AGO2: variants seen among roughly 807,000 people sequenced by gnomAD.
The protein encoded by AGO2 is protein argonaute-2.
In AGO2, 5 loss-of-function variants were observed where a neutral mutation model predicts 102.3. The observed-to-expected ratio is 0.05, with a 90% CI of 0.03 to 0.10. AGO2 has a LOEUF of 0.10. AGO2 is among the 10% of genes least tolerant of loss of function. The pLI is 1.00. For synonymous variants in AGO2, 449 were observed against 473.1 expected, an observed-to-expected ratio of 0.95 and a Z score of 0.66; for missense variants, 541 against 1,183.7, an observed-to-expected ratio of 0.46 and a Z score of 7.97.
chr8:140,558,681 G>A (rs1278569015), intron 6 of AGO2, 109 bp from the exon 7 acceptor site: 1 of 1,236,072 alleles, frequency 8.1e-7, no homozygotes, highest in South Asian at 1.3e-5. Context: ...CCCAAGTTAT[G>A]GGGGGCTGCA....
chr8:140,597,466 GCCCCCCCA>G lies in AGO2; in HGVS notation c.23-12163_23-12156del, dbSNP rs1336353385. On this transcript the variant is annotated intron_variant, in intron 1 of 18. Coordinates refer to ENST00000220592, the MANE Select transcript of AGO2 (RefSeq NM_012154.5). The stretch of plus-strand genomic sequence containing the variant: ...CACGGACACCGATGGGGGCTGGGTG[GCCCCCCCA>G]CCCCCCCCCCCCCGCCCCAGGCCTC... 2.5e-4 allele frequency among the ~76,000 whole-genome samples: 12 copies of G among 48,430 alleles called. 1 individual carries two copies. The highest frequency in any genetic ancestry group is 7.5e-4 in the South Asian group (1 of 1,328). 31.8% of individuals were successfully genotyped at this position (48,430 alleles called of 152,430 possible).
rs1004802805 is a variant in AGO2 at position 140,522,418 on chromosome 8, C to T, written c.*9626G>A. 4.6e-5 allele frequency: 7 copies of T among 151,612 alleles called. No homozygotes were observed. Among genetic ancestry groups the T allele is most frequent in the Non-Finnish European group, 8.8e-5 (6 of 67,972 alleles). 9.4% of individuals were successfully genotyped at this position (151,612 alleles called of 1,614,324 possible). A position where few individuals can be genotyped will look rare whatever the true frequency, so the allele number is the denominator to read the frequency against. ...AATCCATTTAAATCATATGCAGAAG[C>T]GATGACAGGTGGTACTACCTGAAGA... On this transcript the variant is annotated 3_prime_UTR_variant, in exon 19 of 19. Coordinates refer to ENST00000220592, the MANE Select transcript of AGO2 (RefSeq NM_012154.5).
chr8:140,562,098 A>G (rs2073211418), intron 4 of AGO2, among the ~76,000 whole-genome samples: 1 of 152,256 alleles, frequency 6.6e-6, no homozygotes, highest in Non-Finnish European at 1.5e-5. Flanking sequence ...GCAGACATGC[A>G]TGCAGCACGA....
At chr8:140,543,869 C>T (rs946438739) in intron 14 of AGO2, among the ~76,000 whole-genome samples, 1 of 152,186 alleles carries the variant, frequency 6.6e-6, no homozygotes, top group Admixed American at 6.5e-5. Context: ...TGTCCAAGGC[C>T]GGAGTTCTCA....
intron 13 of AGO2, among the ~76,000 whole-genome samples, chr8:140,545,369 T>C (rs2072881556): frequency 6.6e-6 from 1 of 152,110 alleles, no homozygotes; most frequent in South Asian, 2.1e-4. Flanking sequence ...CAGGACACAC[T>C]TCCCTTGGTG....
intron 14 of AGO2, among the ~76,000 whole-genome samples, chr8:140,541,803 T>A (rs1282583652): frequency 6.6e-6 from 1 of 151,962 alleles, no homozygotes; most frequent in Non-Finnish European, 1.5e-5. Context: ...CTCGGGAGGC[T>A]GAGGCAGGAA....
chr8:140,532,208 G>T, intron 18 of AGO2, 56 bp from the exon 19 acceptor site: 1 of 1,518,236 alleles, frequency 6.6e-7, no homozygotes, highest in Non-Finnish European at 9.1e-7. Context: ...GCACGATGAG[G>T]CAGTGCGTCG....
At chr8:140,555,694 T>A (rs1205449398) in intron 10 of AGO2, 1 of 707,316 alleles carries the variant, frequency 1.4e-6, no homozygotes, top group Non-Finnish European at 2.2e-6. Flanking sequence ...ACATTAAGGA[T>A]AATTCTGAAA....
intron 10 of AGO2, 80 bp from the exon 11 acceptor site, chr8:140,551,516 T>C: frequency 7.3e-7 from 1 of 1,366,194 alleles, no homozygotes; most frequent in Non-Finnish European, 9.6e-7. Context: ...ACTCTCACTG[T>C]TGGTCCCCCT....
upstream of AGO2, among the ~76,000 whole-genome samples, chr8:140,639,646 A>G (rs534355772): frequency 1.3e-5 from 2 of 151,936 alleles, no homozygotes; most frequent in African/African-American, 4.8e-5. Context: ...GGTGGCACAC[A>G]TCTGTAGTCC....
intron 1 of AGO2, among the ~76,000 whole-genome samples, chr8:140,596,374 G>A (rs181874942): frequency 2.8e-4 from 42 of 152,246 alleles, no homozygotes; most frequent in Middle Eastern, 3.4e-3. Context: ...ATCTGAGGTC[G>A]GGAGTTCGAG....
At chr8:140,632,783 G>A (rs950681482) in intron 1 of AGO2, among the ~76,000 whole-genome samples, 1 of 152,134 alleles carries the variant, frequency 6.6e-6, no homozygotes, top group Non-Finnish European at 1.5e-5. Context: ...ATTCACATAC[G>A]TCACAGCATT....
intron 1 of AGO2, among the ~76,000 whole-genome samples, chr8:140,614,491 A>G (rs936600156): frequency 3.3e-5 from 5 of 152,228 alleles, no homozygotes; most frequent in African/African-American, 9.6e-5. Flanking sequence ...AGTTTGCTCT[A>G]TTTCAGAGAG....
chr8:140,630,953 C>T (rs1378705243), intron 1 of AGO2, among the ~76,000 whole-genome samples: 5 of 152,148 alleles, frequency 3.3e-5, no homozygotes, highest in Non-Finnish European at 7.3e-5. Flanking sequence ...ACTAGGGAGG[C>T]TGAGGTGGGA....
intron 1 of AGO2, among the ~76,000 whole-genome samples, chr8:140,604,056 T>C (rs1166693966): frequency 6.6e-6 from 1 of 152,248 alleles, no homozygotes; most frequent in Non-Finnish European, 1.5e-5. Flanking sequence ...AGAGGCTAAG[T>C]TGGCCTCTGA....
At chr8:140,588,501 T>A (rs764193592) in intron 1 of AGO2, among the ~76,000 whole-genome samples, 7 of 145,870 alleles carry the variant, frequency 4.8e-5, no homozygotes, top group African/African-American at 1.9e-4. Flanking sequence ...AGTGAGCACA[T>A]GTTACTGGAA....
intron 1 of AGO2, among the ~76,000 whole-genome samples, chr8:140,630,947 G>A (rs1316085433): frequency 6.6e-6 from 1 of 152,196 alleles, no homozygotes; most frequent in African/African-American, 2.4e-5. Context: ...TCAGCTACTA[G>A]GGAGGCTGAG....
At chr8:140,640,468 C>A (rs1403929546), upstream of AGO2, among the ~76,000 whole-genome samples, 1 of 152,046 alleles carries the variant, frequency 6.6e-6, no homozygotes, top group Non-Finnish European at 1.5e-5. Context: ...GGTGTCTCAC[C>A]TATGAGGTGT....
intron 14 of AGO2, 73 bp from the exon 15 acceptor site, chr8:140,541,431 C>T (rs1588440173): frequency 6.5e-6 from 9 of 1,391,242 alleles, no homozygotes; most frequent in Middle Eastern, 2.6e-4. Context: ...CCTGGACTCT[C>T]GGGAAGATGG....
Sources: allele counts gnomAD v4.1 joint callset (sites outside exome capture counted in the v4.1 genomes callset), GRCh38; gene constraint gnomAD v4.1.1; transcripts MANE v1.5; gene names NCBI Gene and HGNC (gene_info 2026-07-23, HGNC 2026-07-21).